Variants in DNAH14 observed in about 807,000 individuals in gnomAD.
DNAH14 encodes the protein axonemal beta dynein heavy chain 14.
Under a neutral mutation model 520.9 loss-of-function variants are expected in DNAH14, and 478 were observed. That is an observed-to-expected ratio of 0.92 (90% CI 0.85 to 0.99). The LOEUF (loss-of-function observed/expected upper bound fraction) is 0.99, where lower values mean the gene tolerates loss of function less well. Ranked by LOEUF, DNAH14 falls within the 50% of genes least tolerant of loss-of-function variation. The pLI, the probability that DNAH14 is intolerant of heterozygous loss-of-function variation, is 0.00. For missense variants in DNAH14, 4,831 were observed against 5,234.5 expected (o/e 0.92, Z 2.38); for synonymous variants, 1,581 against 1,757.2 (o/e 0.90, Z 2.51).
intron 35 of DNAH14, among the ~76,000 whole-genome samples, chr1:225,164,459 T>A (rs1286684753): frequency 6.6e-6 from 1 of 152,164 alleles, no homozygotes; most frequent in African/African-American, 2.4e-5. Flanking sequence ...ATCAAATCTG[T>A]GATTATCTGT....
chr1:225,036,988 CT>C (rs2067024910), intron 11 of DNAH14, among the ~76,000 whole-genome samples: 1 of 152,150 alleles, frequency 6.6e-6, no homozygotes, highest in Non-Finnish European at 1.5e-5. Flanking sequence ...CCCTCTTTGT[CT>C]CTTTTTATAC....
intron 38 of DNAH14, among the ~76,000 whole-genome samples, chr1:225,194,159 T>C (rs1559248654): frequency 6.6e-6 from 1 of 152,126 alleles, no homozygotes; most frequent in Non-Finnish European, 1.5e-5. Flanking sequence ...TCCTATCAAC[T>C]ACCAGTGACA....
intron 49 of DNAH14, among the ~76,000 whole-genome samples, chr1:225,267,292 C>CTTTTT (rs776025994): frequency 5.3e-5 from 7 of 131,368 alleles, no homozygotes; most frequent in Non-Finnish European, 6.6e-5. Flanking sequence ...GAATGGCTTC[C>CTTTTT]TTTTTTTTTT....
chr1:225,163,137 CAAAAAAAAAAAA>C (rs34356854), intron 35 of DNAH14, among the ~76,000 whole-genome samples: 9 of 53,682 alleles, frequency 1.7e-4, no homozygotes, highest in East Asian at 1.1e-3. Context: ...GACCCTATCT[CAAAAAAAAAAAA>C]AAAAAAAAAA....
chr1:225,229,338 A>G (rs1181830920), intron 41 of DNAH14, among the ~76,000 whole-genome samples: 1 of 152,214 alleles, frequency 6.6e-6, no homozygotes, highest in Non-Finnish European at 1.5e-5. Context: ...AATTAGTTCA[A>G]CCATTCTGGA....
intron 36 of DNAH14, among the ~76,000 whole-genome samples, chr1:225,180,526 A>G (rs1038577474): frequency 6.6e-6 from 1 of 152,178 alleles, no homozygotes; most frequent in Admixed American, 6.5e-5. Context: ...ACGGTAAGAT[A>G]GGAAACGAGA....
In DNAH14 at chr1:225,144,341, A is replaced by C. The variant is rs2079726045; in HGVS notation, c.4509-56A>C. 5 of 1,296,714 alleles carry C rather than the reference A, an allele frequency of 3.9e-6. No homozygotes were observed. The East Asian group carries it at 7.6e-5, about 20-fold the overall frequency. The allele number at this position is 1,296,714 out of a possible 1,614,324, so 80.3% of individuals were successfully genotyped here. ...ATCTTGATTCTTTTTCTGCATGTGA[A>C]AATACATAAAAATAATTTAACCAAA... On this transcript the variant is annotated intron_variant, in intron 28 of 85. Transcript: ENST00000682510.
chr1:224,929,720 G>T lies in DNAH14; in HGVS notation c.-149G>T, dbSNP rs1205026509. 1 of 702,282 alleles carries T rather than the reference G, an allele frequency of 1.4e-6. No homozygotes were observed. Among genetic ancestry groups the T allele is most frequent in the Non-Finnish European group, 2.6e-6 (1 of 384,850 alleles). The allele number at this position is 702,282 out of a possible 1,614,324, so 43.5% of individuals were successfully genotyped here. A position where few individuals can be genotyped will look rare whatever the true frequency, so the allele number is the denominator to read the frequency against. ...AGGCGTCGGAGCCTGGCGTGGTAGG[G>T]CTGTGCTGCGCGGTCCTTCCCATTC... On this transcript the variant is annotated 5_prime_UTR_variant, in exon 1 of 86. Coordinates refer to ENST00000682510, the MANE Select transcript of DNAH14 (RefSeq NM_001367479.1).
chr1:225,047,955 T>C (rs2068114048), intron 15 of DNAH14, among the ~76,000 whole-genome samples: 1 of 152,184 alleles, frequency 6.6e-6, no homozygotes, highest in Non-Finnish European at 1.5e-5. Flanking sequence ...ATTTTCTCTT[T>C]GTGGGTGGTG....
chr1:225,017,455 C>G (rs2065302137), intron 10 of DNAH14, among the ~76,000 whole-genome samples: 1 of 152,228 alleles, frequency 6.6e-6, no homozygotes, highest in African/African-American at 2.4e-5. Flanking sequence ...TGCTACCCCA[C>G]TGGAGCACTT....
At chr1:225,322,085 CTTTTTTTTTTTTTTTTTTT>C (rs3047035) in intron 61 of DNAH14, among the ~76,000 whole-genome samples, 2 of 90,170 alleles carry the variant, frequency 2.2e-5, no homozygotes, top group African/African-American at 4.2e-5. Context: ...TTTTTTCTTT[CTTTTTTTTTTTTTTTTTTT>C]TTTTGAGACA....
At position 225,335,544 on chromosome 1, in the gene DNAH14, C is replaced by CATAT. The variant is rs770315671; in HGVS notation, c.10081-1722_10081-1721insATAT. Among the ~76,000 whole-genome samples the CATAT allele has an allele frequency of 2.0e-3, 150 of 75,760 alleles. 9 individuals are homozygous for CATAT. Among genetic ancestry groups the CATAT allele is most frequent in the East Asian group, 3.6e-3 (6 of 1,652 alleles). 49.7% of individuals were successfully genotyped at this position (75,760 alleles called of 152,430 possible). A position where few individuals can be genotyped will look rare whatever the true frequency, so the allele number is the denominator to read the frequency against. On this transcript the variant is annotated intron_variant, in intron 66 of 85. Coordinates refer to ENST00000682510, the MANE Select transcript of DNAH14 (RefSeq NM_001367479.1). ...ACATATATACATATGTACATATATA[C>CATAT]GTATATACATATGTACATCTATGTA...
chr1:225,201,932 A>G (rs191041928), intron 38 of DNAH14, among the ~76,000 whole-genome samples: 25 of 142,872 alleles, frequency 1.7e-4, no homozygotes, highest in African/African-American at 6.5e-4. Context: ...CTGGAGTGCA[A>G]TGGTGCAATC....
At chr1:225,176,071 G>A (rs1240986875) in intron 36 of DNAH14, among the ~76,000 whole-genome samples, 1 of 152,096 alleles carries the variant, frequency 6.6e-6, no homozygotes, top group African/African-American at 2.4e-5. Flanking sequence ...CTTCTTAAAG[G>A]AAAGAATGCA....
chr1:224,984,343 A>T (rs2062473960), intron 8 of DNAH14, among the ~76,000 whole-genome samples: 1 of 152,162 alleles, frequency 6.6e-6, no homozygotes, highest in South Asian at 2.1e-4. Context: ...AGCCACATGT[A>T]GGAGAATGAA....
Position 225,304,938 on chromosome 1 carries a change from G to A in DNAH14, c.8854G>A (p.Val2952Ile). 5 of 1,529,994 alleles carry A rather than the reference G, an allele frequency of 3.3e-6. No individual in the cohort carries two copies. The highest frequency in any genetic ancestry group is 4.4e-6 in the Non-Finnish European group (5 of 1,142,330). 94.8% of individuals were successfully genotyped at this position (1,529,994 alleles called of 1,614,324 possible). ...GAAAGAAAAACTTGCCCCAACATGT[G>A]TCCAAATCCACAAAAGCATGAAAGA... ...NLKEKLAPTC[V>I]QIHKSMKDLN... The change falls in exon 58 of 86, where the codon GTC becomes ATC. Residue 2952 changes from valine (V) to isoleucine (I), a missense_variant. By Grantham distance (29) the Val-to-Ile change is conservative. Coordinates refer to ENST00000682510, the MANE Select transcript of DNAH14 (RefSeq NM_001367479.1).
chr1:225,303,643 A>G (rs906805233), intron 57 of DNAH14, among the ~76,000 whole-genome samples: 16 of 152,200 alleles, frequency 1.1e-4, no homozygotes, highest in Middle Eastern at 3.2e-3. Context: ...TCCATTCTGC[A>G]TACCAGATTC....
At chr1:225,142,359 A>G (rs537859166) in intron 28 of DNAH14, among the ~76,000 whole-genome samples, 36 of 152,320 alleles carry the variant, frequency 2.4e-4, no homozygotes, top group Admixed American at 2.1e-3. Flanking sequence ...AGATATTTTA[A>G]CCTTTTGAGG....
intron 37 of DNAH14, among the ~76,000 whole-genome samples, chr1:225,186,288 G>A (rs559986504): frequency 5.7e-4 from 87 of 151,340 alleles, no homozygotes; most frequent in Non-Finnish European, 1.1e-3. Context: ...TAATCTTTTC[G>A]CTTTTCCCTT....
Sources: gnomAD v4.1 joint callset for allele counts (sites outside exome capture counted in the v4.1 genomes callset) on GRCh38, gnomAD v4.1.1 for gene constraint, MANE v1.5 for transcripts, NCBI Gene and HGNC (gene_info 2026-07-23, HGNC 2026-07-21) for gene names.